Variants in ITGA8 observed in about 807,000 individuals in gnomAD.
ITGA8 encodes integrin alpha-8.
In ITGA8, 91 loss-of-function variants were observed where a neutral mutation model predicts 142.3. The ratio of observed to expected loss-of-function variants is 0.64; its 90% confidence interval spans 0.54 to 0.76. ITGA8 has a LOEUF of 0.76. Ranked by LOEUF, ITGA8 falls within the 30% of genes least tolerant of loss-of-function variation. The pLI, the probability that ITGA8 is intolerant of heterozygous loss-of-function variation, is 0.00. For missense variants in ITGA8, 1,406 were observed against 1,327.7 expected, an observed-to-expected ratio of 1.06 and a Z score of -0.92; for synonymous variants, 505 against 485.2, an observed-to-expected ratio of 1.04 and a Z score of -0.54.
Position 15,606,319 on chromosome 10 carries a change from A to G in ITGA8, c.1868T>C (p.Leu623Ser), listed in dbSNP as rs1249741887. The G allele has an allele frequency of 1.2e-6, 2 of 1,612,168 alleles. No individual in the cohort carries two copies. Among genetic ancestry groups the G allele is most frequent in the South Asian group, 1.1e-5 (1 of 90,942 alleles). The part of the protein sequence containing the change: ...FKEGLEVKPI[L>S]NYYRENIVSE... ...AACAATGTTTTCTCTGTAGTAGTTCAATATTGGTTTCACTTCCAGGCCTTC... is the reference window on the plus strand; with the variant it reads ...AACAATGTTTTCTCTGTAGTAGTTCGATATTGGTTTCACTTCCAGGCCTTC... Residue 623 changes from leucine to serine, a missense_variant, in exon 18 of 30, where the codon TTG (leucine) becomes TCG (serine). Coordinates refer to ENST00000378076, the MANE Select transcript of ITGA8 (RefSeq NM_003638.3).
At chr10:15,676,386 C>A (rs959242748) in intron 6 of ITGA8, among the ~76,000 whole-genome samples, 1 of 152,146 alleles carries the variant, frequency 6.6e-6, no homozygotes, top group Non-Finnish European at 1.5e-5. Context: ...AGGTTGTATT[C>A]CAGCTCCCTG....
intron 10 of ITGA8, among the ~76,000 whole-genome samples, chr10:15,655,848 G>T (rs546311797): frequency 1.4e-4 from 22 of 152,168 alleles, no homozygotes; most frequent in Non-Finnish European, 2.9e-4. Flanking sequence ...CATTCTGGGA[G>T]GCCCAGGCAA....
At chr10:15,643,442 G>C (rs1833906128) in intron 13 of ITGA8, among the ~76,000 whole-genome samples, 1 of 152,106 alleles carries the variant, frequency 6.6e-6, no homozygotes, top group African/African-American at 2.4e-5. Flanking sequence ...ACCATGCCCA[G>C]CTAATTTTTG....
At chr10:15,673,298 C>G (rs536350740) in intron 6 of ITGA8, among the ~76,000 whole-genome samples, 12 of 152,042 alleles carry the variant, frequency 7.9e-5, no homozygotes, top group Non-Finnish European at 8.8e-5. Context: ...TTGGCAAGGG[C>G]GGTCTCAAAT....
At position 15,578,995 on chromosome 10, in the gene ITGA8, A is replaced by C. The variant is rs533057515; in HGVS notation, c.2373-3401T>G. 4.0e-4 allele frequency among the ~76,000 whole-genome samples: 61 copies of C among 152,216 alleles called. No individual in the cohort carries two copies. In the South Asian group the frequency reaches 0.012, roughly 31 times the overall value. ...TGAATCCATTTTTGTTTATTTTTTA[A>C]TTATAAAAAACAGTAGATAAAAAAC... On this transcript the variant is annotated intron_variant, in intron 23 of 29. Transcript: ENST00000378076.
chr10:15,523,030 T>A lies in ITGA8; in HGVS notation c.2983-3618A>T, dbSNP rs1341938506. 6.6e-5 allele frequency among the ~76,000 whole-genome samples: 10 copies of A among 151,630 alleles called. 1 individual carries two copies. In the East Asian group the frequency reaches 7.8e-4, roughly 12 times the overall value. On this transcript the variant is annotated intron_variant, in intron 28 of 29. Transcript: ENST00000378076. ...GGCTCAGTCTCAAAAAAAAAAAAAATTATTATCTTAAGTTCCTGCCTACTA... is the reference window on the plus strand; with the variant it reads ...GGCTCAGTCTCAAAAAAAAAAAAAAATATTATCTTAAGTTCCTGCCTACTA...
intron 11 of ITGA8, among the ~76,000 whole-genome samples, chr10:15,650,641 A>ATC (rs1489105923): frequency 6.6e-6 from 1 of 152,198 alleles, no homozygotes; most frequent in Non-Finnish European, 1.5e-5. Context: ...TTTGCAAATC[A>ATC]TCCAGTCTCC....
chr10:15,552,619 T>G (rs1448798364), intron 26 of ITGA8, among the ~76,000 whole-genome samples: 2 of 152,184 alleles, frequency 1.3e-5, no homozygotes, highest in Admixed American at 1.3e-4. Context: ...TGTGCCATGG[T>G]GGTTTGCTGC....
intron 13 of ITGA8, among the ~76,000 whole-genome samples, chr10:15,616,986 G>T (rs865808470): frequency 6.6e-6 from 1 of 152,194 alleles, no homozygotes; most frequent in Non-Finnish European, 1.5e-5. Context: ...GAAGTGGAAC[G>T]TTCTGATTGT....
At position 15,517,031 on chromosome 10, in the gene ITGA8, C is replaced by CA; in HGVS notation, c.*126dup. 8 of 483,580 alleles carry CA rather than the reference C, an allele frequency of 1.7e-5. No homozygotes were observed. In the South Asian group the frequency reaches 3.5e-4, roughly 21 times the overall value. 30.0% of individuals were successfully genotyped at this position (483,580 alleles called of 1,614,324 possible). The stretch of plus-strand genomic sequence containing the variant: ...TGCGGTGTAGATGAGGTGATGTTTC[C>CA]AGGGTCCCCTCCATTTCCTGGGTCA... On this transcript the variant is annotated 3_prime_UTR_variant, in exon 30 of 30. Coordinates refer to ENST00000378076, the MANE Select transcript of ITGA8 (RefSeq NM_003638.3).
chr10:15,614,446 A>G (rs980085394), intron 14 of ITGA8, among the ~76,000 whole-genome samples: 17 of 152,208 alleles, frequency 1.1e-4, no homozygotes, highest in African/African-American at 3.9e-4. Context: ...TGGGGTAAGG[A>G]TCAGACATTG....
intron 3 of ITGA8, among the ~76,000 whole-genome samples, chr10:15,687,143 T>C (rs1834846396): frequency 6.6e-6 from 1 of 152,210 alleles, no homozygotes; most frequent in Non-Finnish European, 1.5e-5. Flanking sequence ...ACCTGTTTTA[T>C]GTCAAAATCT....
At chr10:15,572,117 ATTTCACTCTTCTTT>A in intron 25 of ITGA8, 80 bp downstream of exon 25, 1 of 1,106,854 alleles carries the variant, frequency 9.0e-7, no homozygotes, top group South Asian at 2.0e-5. Flanking sequence ...ACTTAAAACG[ATTTCACTCTTCTTT>A]TTTAAACAAG....
intron 2 of ITGA8, among the ~76,000 whole-genome samples, chr10:15,693,964 A>T (rs1834979847): frequency 6.6e-6 from 1 of 151,726 alleles, no homozygotes; most frequent in South Asian, 2.1e-4. Context: ...TGGTATCACC[A>T]GCTTAAGGTA....
intron 23 of ITGA8, 79 bp downstream of exon 23, chr10:15,586,505 T>C: frequency 1.2e-6 from 1 of 826,642 alleles, no homozygotes; most frequent in Non-Finnish European, 2.0e-6. Flanking sequence ...ATCAGGAAAA[T>C]TCCACATCAT....
chr10:15,665,621 G>A (rs1406335990), intron 8 of ITGA8, among the ~76,000 whole-genome samples: 4 of 152,146 alleles, frequency 2.6e-5, no homozygotes, highest in African/African-American at 7.2e-5. Context: ...TATTGCCTAG[G>A]TTTTCTTCTA....
In ITGA8 at chr10:15,537,099, T is replaced by G. The variant is rs148649182; in HGVS notation, c.2881-5948A>C. On this transcript the variant is annotated intron_variant, in intron 27 of 29. Transcript: ENST00000378076. ...AATAGGGGACCATTTAGGATTAACC[T>G]ACATACAATCTGTTTCTGACCAGTT... 7.4e-3 allele frequency among the ~76,000 whole-genome samples: 1,129 copies of G among 152,300 alleles called. 9 individuals carry two copies. Among genetic ancestry groups the G allele is most frequent in the African/African-American group, 0.026 (1,101 of 41,566 alleles).
At chr10:15,566,582 G>T (rs1280769167) in intron 25 of ITGA8, among the ~76,000 whole-genome samples, 1 of 151,904 alleles carries the variant, frequency 6.6e-6, no homozygotes, top group Non-Finnish European at 1.5e-5. Flanking sequence ...AGGTCGAGGT[G>T]GGTGAATTGC....
intron 28 of ITGA8, among the ~76,000 whole-genome samples, chr10:15,527,977 G>A (rs193046562): frequency 2.8e-5 from 4 of 141,136 alleles, no homozygotes; most frequent in Non-Finnish European, 4.5e-5. Flanking sequence ...GTGCAGTGGC[G>A]TGATCTCGGC....
Sources: allele counts gnomAD v4.1 joint callset (sites outside exome capture counted in the v4.1 genomes callset), GRCh38; gene constraint gnomAD v4.1.1; transcripts MANE v1.5; gene names NCBI Gene and HGNC (gene_info 2026-07-23, HGNC 2026-07-21).